SGCD: variants seen among roughly 807,000 people sequenced by gnomAD.
SGCD encodes the protein sarcoglycan delta.
In SGCD, 18 loss-of-function variants were observed where a neutral mutation model predicts 36.6. The observed-to-expected ratio is 0.49, with a 90% CI of 0.34 to 0.73. SGCD has a LOEUF of 0.73. Ranked by LOEUF, SGCD falls within the 30% of genes least tolerant of loss-of-function variation. The probability of loss-of-function intolerance (pLI) is 0.01; values close to 1 mark genes in which losing one functional copy is unlikely to be tolerated. For missense variants in SGCD, 387 were observed against 346.7 expected (o/e 1.12, Z -0.92); for synonymous variants, 133 against 130.6 (o/e 1.02, Z -0.12).
chr5:156,478,267 C>T (rs1203816739), intron 3 of SGCD, among the ~76,000 whole-genome samples: 1 of 152,130 alleles, frequency 6.6e-6, no homozygotes, highest in Non-Finnish European at 1.5e-5. Flanking sequence ...CGAGTGGGCT[C>T]CTTTCACCCA....
intron 1 of SGCD, among the ~76,000 whole-genome samples, chr5:156,073,951 TG>T (rs1760681389): frequency 6.6e-6 from 1 of 152,140 alleles, no homozygotes; most frequent in African/African-American, 2.4e-5. Flanking sequence ...AGCCATTTCA[TG>T]GAAGAAGGAC....
At chr5:156,639,059 C>A (rs964325544) in intron 6 of SGCD, among the ~76,000 whole-genome samples, 7 of 151,686 alleles carry the variant, frequency 4.6e-5, no homozygotes, top group Non-Finnish European at 8.8e-5. Context: ...AATATATCTA[C>A]CATCTATTTT....
At chr5:156,537,847 A>G (rs1758184617) in intron 4 of SGCD, among the ~76,000 whole-genome samples, 1 of 73,700 alleles carries the variant, frequency 1.4e-5, no homozygotes, top group Non-Finnish European at 3.4e-5. Context: ...ATGGAAAGAA[A>G]AAAAAAAAAG....
intron 3 of SGCD, among the ~76,000 whole-genome samples, chr5:156,359,692 A>C (rs1400844745): frequency 6.6e-6 from 1 of 152,224 alleles, no homozygotes; most frequent in Non-Finnish European, 1.5e-5. Context: ...AGCAGGGCAC[A>C]TGAAGAATGC....
At chr5:155,771,452 G>A in the SGCD span, among the ~76,000 whole-genome samples, 1 of 150,368 alleles carries the variant, frequency 6.7e-6, no homozygotes, top group Admixed American at 6.6e-5. Context: ...TTTACAGAGT[G>A]TCACTGTGTT....
chr5:156,473,836 A>G (rs1755070999), intron 3 of SGCD, among the ~76,000 whole-genome samples: 1 of 152,188 alleles, frequency 6.6e-6, no homozygotes, highest in South Asian at 2.1e-4. Context: ...AATGATCTAT[A>G]TTGTATTTGA....
At chr5:156,618,592 CAAAAAAAAAAAAA>C (rs748789128) in intron 6 of SGCD, among the ~76,000 whole-genome samples, 1 of 76,362 alleles carries the variant, frequency 1.3e-5, no homozygotes, top group African/African-American at 4.8e-5. Flanking sequence ...TCATAATTCT[CAAAAAAAAAAAAA>C]AAAAAAAGAG....
intron 1 of SGCD, among the ~76,000 whole-genome samples, chr5:156,011,572 TG>T (rs1277621298): frequency 6.6e-6 from 1 of 152,024 alleles, no homozygotes; most frequent in Non-Finnish European, 1.5e-5. Context: ...CCCGAGTATC[TG>T]GGACTACAGG....
chr5:156,463,428 G>A, intron 3 of SGCD, among the ~76,000 whole-genome samples: 1 of 152,106 alleles, frequency 6.6e-6, no homozygotes, highest in East Asian at 1.9e-4. Context: ...TTCAAGCACT[G>A]ATAAATTTGT....
At chr5:156,692,389 A>G (rs1390876854) in intron 7 of SGCD, among the ~76,000 whole-genome samples, 1 of 152,208 alleles carries the variant, frequency 6.6e-6, no homozygotes, top group Non-Finnish European at 1.5e-5. Context: ...CCATTCCTGC[A>G]TCAGCAGCAT....
rs575822419 is a variant in SGCD, at chr5:156,013,980, A to G, written c.-281-103898A>G. Among the ~76,000 whole-genome samples, 542 of 151,188 alleles carry G rather than the reference A, an allele frequency of 3.6e-3. 4 individuals carry two copies. Among genetic ancestry groups the G allele is most frequent in the Non-Finnish European group, 6.1e-3 (416 of 67,844 alleles). ...CCGAGATATGTTTTGGTTATTTACG[A>G]GATAGGGATGCAGCTTACTTTTTTT... On this transcript the variant is annotated intron_variant, in intron 1 of 9. Transcript: ENST00000517913.
At chr5:156,453,387 T>C (rs142775703) in intron 3 of SGCD, among the ~76,000 whole-genome samples, 173 of 152,250 alleles carry the variant, frequency 1.1e-3, no homozygotes, top group Middle Eastern at 0.01. Context: ...ATCACAAGTA[T>C]TCAATTAGGG....
At chr5:156,508,831 C>T in intron 4 of SGCD, 129 bp downstream of exon 4, 1 of 546,266 alleles carries the variant, frequency 1.8e-6, no homozygotes, top group East Asian at 2.9e-5. Context: ...GATGAATTTG[C>T]TTTCTCTTCT....
chr5:155,905,391 A>G (rs1343592136), intron 1 of SGCD, among the ~76,000 whole-genome samples: 3 of 152,092 alleles, frequency 2.0e-5, no homozygotes, highest in African/African-American at 7.2e-5. Context: ...GAAGCTGTCA[A>G]TCATAAGGGC....
chr5:156,296,949 CAT>C (rs1328711116), intron 3 of SGCD, among the ~76,000 whole-genome samples: 8 of 151,942 alleles, frequency 5.3e-5, no homozygotes, highest in Admixed American at 2.0e-4. Flanking sequence ...TATACACACA[CAT>C]ACACACACTA....
chr5:156,086,424 T>C (rs1761092654), intron 1 of SGCD, among the ~76,000 whole-genome samples: 1 of 152,214 alleles, frequency 6.6e-6, no homozygotes, highest in African/African-American at 2.4e-5. Context: ...AAAGGCTCTA[T>C]GCCTTAAAGA....
chr5:156,587,169 T>G (rs114546421), intron 4 of SGCD, among the ~76,000 whole-genome samples: 3,785 of 152,312 alleles, frequency 0.025, 140 homozygotes, highest in African/African-American at 0.086. Flanking sequence ...AGTGCTGCTG[T>G]GACCAGCCTG....
Position 156,528,715 on chromosome 5 carries a change from G to A in SGCD, c.294+20013G>A, listed in dbSNP as rs769343156. Among the ~76,000 whole-genome samples the A allele has an allele frequency of 3.9e-5, 6 of 152,280 alleles. No homozygotes were observed. The East Asian group carries it at 7.7e-4, about 20-fold the overall frequency. On this transcript the variant is annotated intron_variant, in intron 4 of 8. Coordinates refer to ENST00000337851, the MANE Select transcript of SGCD (RefSeq NM_000337.6). ...TAAAGGTAATAAGTTTCATCTTTACGTACTCTGCAGCTTTGACCTCCTATA... is the reference window on the plus strand; with the variant it reads ...TAAAGGTAATAAGTTTCATCTTTACATACTCTGCAGCTTTGACCTCCTATA...
Position 155,897,533 on chromosome 5 carries a change from A to T in SGCD, c.-282+27109A>T, listed in dbSNP as rs151296646. On this transcript the variant is annotated intron_variant, in intron 1 of 9. Transcript: ENST00000517913. ...GCTGACTATAATTTCTTTCTCTACAAACTTTTTAGTTTTTTAAAACTTTTT... is the reference window on the plus strand; with the variant it reads ...GCTGACTATAATTTCTTTCTCTACATACTTTTTAGTTTTTTAAAACTTTTT... Among the ~76,000 whole-genome samples, 208 of 152,254 alleles carry T rather than the reference A, an allele frequency of 1.4e-3. 1 individual carries two copies. The highest frequency in any genetic ancestry group is 4.7e-3 in the African/African-American group (194 of 41,586).
Sources: gnomAD v4.1 joint callset for allele counts (sites outside exome capture counted in the v4.1 genomes callset) on GRCh38, gnomAD v4.1.1 for gene constraint, MANE v1.5 for transcripts, NCBI Gene and HGNC (gene_info 2026-07-23, HGNC 2026-07-21) for gene names.